The following FLCN variants were observed in gnomAD, a reference collection of about 807,000 sequenced individuals.
FLCN encodes the protein folliculin.
Under a neutral mutation model 62.5 loss-of-function variants are expected in FLCN, and 22 were observed. The ratio of observed to expected loss-of-function variants is 0.35; its 90% CI spans 0.25 to 0.50. The LOEUF is 0.50. FLCN is among the 20% of genes least tolerant of loss of function. FLCN has a pLI of 0.97. For missense variants in FLCN, 657 were observed against 778.0 expected (o/e 0.84, Z 1.85); for synonymous variants, 319 against 310.0 (o/e 1.03, Z -0.30).
Position 17,213,751 on chromosome 17 carries a change from C to G in FLCN, c.1644G>C (p.Lys548Asn), listed in dbSNP as rs771847652. Residue 548 changes from lysine to asparagine, a missense_variant, in exon 14 of 14, where the codon AAG (lysine) becomes AAC (asparagine). Transcript: ENST00000285071. Reference protein sequence around the residue: ...ILGASEEDNVKLLKFWMTGLS... With the variant: ...ILGASEEDNVNLLKFWMTGLS... ...GGCCAGTCATCCAGAACTTCAGCAG[C>G]TTGACATTGTCCTCCTCGGACGCAC... 1 of 1,614,114 alleles carries G rather than the reference C, an allele frequency of 6.2e-7. No individual in the cohort carries two copies. The highest frequency in any genetic ancestry group is 2.2e-5 in the East Asian group (1 of 44,902).
Position 17,216,569 on chromosome 17 carries a change from C to T in FLCN, c.1177-66G>A, listed in dbSNP as rs1040981113. On this transcript the variant is annotated intron_variant, in intron 10 of 13. Transcript: ENST00000285071. This position sits in a 1 kb window ranked among gnomAD's most constrained non-coding sequence, Gnocchi z 4.0. ...GCCCTCAGCCCCGGCCATCCATGCT[C>T]TACTACCCAAACCCCACACGCCTCC... 1.9e-6 allele frequency: 3 copies of T among 1,604,812 alleles called. No individual in the cohort carries two copies. The highest frequency in any genetic ancestry group is 1.3e-5 in the African/African-American group (1 of 74,750).
chr17:17,236,864 C>G (rs2047595110), intron 1 of FLCN, 48 bp downstream of exon 1: 1 of 152,226 alleles, frequency 6.6e-6, no homozygotes, highest in African/African-American at 2.4e-5. Context: ...CTGGGACCAA[C>G]GAAAACTCGG....
intron 4 of FLCN, among the ~76,000 whole-genome samples, 160 bp from the exon 5 acceptor site, chr17:17,226,482 A>G (rs1490426148): frequency 6.6e-6 from 1 of 152,248 alleles, no homozygotes; most frequent in Non-Finnish European, 1.5e-5. Context: ...TGTTTCCTAA[A>G]GAGGAAAACA....
At chr17:17,226,945 C>G (rs868174349) in intron 4 of FLCN, among the ~76,000 whole-genome samples, 2 of 152,218 alleles carry the variant, frequency 1.3e-5, no homozygotes, top group African/African-American at 4.8e-5. Context: ...AGTGCGTCAG[C>G]AAGACTCTCC....
At chr17:17,231,443 G>A (rs2047419817) in intron 3 of FLCN, 1 of 152,132 alleles carries the variant, frequency 6.6e-6, no homozygotes, top group East Asian at 1.9e-4. Context: ...CAGGCAGCGG[G>A]AGAGGAAACA....
chr17:17,214,734 G>GC (rs1307416824), intron 13 of FLCN, among the ~76,000 whole-genome samples: 12 of 152,274 alleles, frequency 7.9e-5, no homozygotes, highest in South Asian at 4.1e-4. Context: ...TGGAGCCCTT[G>GC]CCCAAGCCTC....
chr17:17,226,170 G>T lies in FLCN; in HGVS notation c.396+6C>A, dbSNP rs747922795. 1.9e-6 allele frequency: 3 copies of T among 1,613,936 alleles called. No individual in the cohort carries two copies. Among genetic ancestry groups the T allele is most frequent in the Middle Eastern group, 3.3e-4 (2 of 6,062 alleles). ...CAGAGACAGGCTCTGTGGCCACAAG[G>T]CTCACCTCACAGCTCAGGCTCCGGA... is the stretch of plus-strand genomic sequence containing the variant. On this transcript the variant is annotated splice_donor_region_variant and intron_variant, in intron 5 of 13. Transcript: ENST00000285071.
At position 17,228,617 on chromosome 17, in the gene FLCN, G is replaced by T. The variant is rs146246174; in HGVS notation, c.-24-456C>A. The T allele has an allele frequency of 6.0e-3, 1,038 of 174,312 alleles. 7 individuals carry two copies. Among genetic ancestry groups the T allele is most frequent in the African/African-American group, 0.022 (925 of 42,284 alleles). 10.8% of individuals were successfully genotyped at this position (174,312 alleles called of 1,614,324 possible). A position where few individuals can be genotyped will look rare whatever the true frequency, so the allele number is the denominator to read the frequency against. ...GGCAACATGATACTGCCCTCATGCA[G>T]CTTACCTCCTGCAGGGGGTCGGCGG... is the stretch of plus-strand genomic sequence containing the variant. On this transcript the variant is annotated intron_variant, in intron 3 of 13. Transcript: ENST00000285071.
chr17:17,235,125 A>C (rs995447630), intron 1 of FLCN, among the ~76,000 whole-genome samples: 28 of 150,070 alleles, frequency 1.9e-4, no homozygotes, highest in African/African-American at 6.9e-4. Flanking sequence ...AAAAAAAAAA[A>C]AAAAAGCCAG....
chr17:17,234,936 C>A (rs1333452405), intron 1 of FLCN, among the ~76,000 whole-genome samples: 1 of 152,010 alleles, frequency 6.6e-6, no homozygotes, highest in African/African-American at 2.4e-5. Flanking sequence ...ACAGTGAAAC[C>A]CCGTCTCTAC....
rs2144978314 is a variant in FLCN at position 17,224,046 on chromosome 17, C to G, written c.494G>C (p.Gly165Ala). 6.2e-7 allele frequency: 1 copy of G among 1,613,876 alleles called. No individual in the cohort carries two copies. Among genetic ancestry groups the G allele is most frequent in the Non-Finnish European group, 8.5e-7 (1 of 1,180,032 alleles). Residue 165 changes from glycine to alanine, a missense_variant, in exon 6 of 14, where the codon GGC (glycine) becomes GCC (alanine). Transcript: ENST00000285071. ...TFFIKDSLAR[G>A]FQRWYSIITI... ...GATGATGCTGTACCAGCGCTGGAAG[C>G]CCCTGGCCAGGCTGTCCTTGATGAA...
At position 17,216,348 on chromosome 17, in the gene FLCN, G is replaced by A. The variant is rs2046918000; in HGVS notation, c.1300+32C>T. 1.2e-6 allele frequency: 2 copies of A among 1,612,366 alleles called. No individual in the cohort carries two copies. The highest frequency in any genetic ancestry group is 2.7e-5 in the African/African-American group (2 of 75,010). ...TGAGGCGTGGGGAACCTCAGCGCAG[G>A]GCATGGCCCCACAGCCCGCGGGGGC... On this transcript the variant is annotated intron_variant, in intron 11 of 13. Transcript: ENST00000285071. This position sits in a 1 kb window ranked among gnomAD's most constrained non-coding sequence, Gnocchi z 4.0.
chr17:17,224,510 C>A, intron 5 of FLCN: 1 of 404,192 alleles, frequency 2.5e-6, no homozygotes, highest in East Asian at 4.6e-5. Flanking sequence ...ACTCTCCCTG[C>A]ACTGAAATCC....
rs1159651886 is a variant in FLCN at position 17,234,271 on chromosome 17, C to T, written c.-227-1370G>A. Among the ~76,000 whole-genome samples the T allele has an allele frequency of 6.1e-5, 9 of 147,708 alleles. No homozygotes were observed. The East Asian group carries it at 1.8e-3, about 30-fold the overall frequency. ...CTGTTGCCCAGGCTGGAGTGCAGTG[C>T]AGCAATCTCGGATCACTGCCACCTC... On this transcript the variant is annotated intron_variant, in intron 1 of 13. Coordinates refer to ENST00000285071, the MANE Select transcript of FLCN (RefSeq NM_144997.7).
At chr17:17,218,978 CT>C (rs753633921) in intron 9 of FLCN, 40 bp downstream of exon 9, 1 of 1,608,038 alleles carries the variant, frequency 6.2e-7, no homozygotes, top group South Asian at 1.1e-5. Context: ...ATGACTGGCT[CT>C]CCTCCTGAGC....
intron 5 of FLCN, 47 bp downstream of exon 5, chr17:17,226,129 A>G: frequency 7.4e-6 from 12 of 1,613,304 alleles, no homozygotes; most frequent in Non-Finnish European, 1.0e-5. Context: ...AGCACCTGGG[A>G]GCATGTGGGC....
At chr17:17,221,157 A>C (rs1021363597) in intron 8 of FLCN, 3 of 1,432,382 alleles carry the variant, frequency 2.1e-6, no homozygotes, top group Non-Finnish European at 2.7e-6. Flanking sequence ...CTTCATGGAA[A>C]ACTTGGGACG....
intron 5 of FLCN, 153 bp downstream of exon 5, chr17:17,226,023 G>T: frequency 9.5e-7 from 1 of 1,054,560 alleles, no homozygotes; most frequent in Non-Finnish European, 1.4e-6. Flanking sequence ...GACAAGGGAG[G>T]CGTCCTGTAC....
intron 9 of FLCN, 139 bp from the exon 10 acceptor site, chr17:17,217,321 G>A: frequency 1.4e-6 from 1 of 721,212 alleles, no homozygotes; most frequent in Non-Finnish European, 2.5e-6. Flanking sequence ...TCTTCTCAGG[G>A]AGGCGGGTGC....
Sources: allele counts gnomAD v4.1 joint callset (sites outside exome capture counted in the v4.1 genomes callset), GRCh38; gene constraint gnomAD v4.1.1; non-coding constraint Gnocchi (gnomAD v3.1); transcripts MANE v1.5; gene names NCBI Gene and HGNC (gene_info 2026-07-23, HGNC 2026-07-21).